The following OTOA variants were observed in gnomAD, a reference collection of about 807,000 sequenced individuals.
OTOA encodes the protein otoancorin, also known as cancer/testis antigen 108.
Under a neutral mutation model 110.8 loss-of-function variants are expected in OTOA, and 70 were observed. The observed-to-expected ratio is 0.63, with a 90% CI of 0.52 to 0.77. The LOEUF (loss-of-function observed/expected upper bound fraction) is 0.77. Ranked by LOEUF, OTOA falls within the 30% of genes least tolerant of loss-of-function variation. The pLI is 0.00. For synonymous variants in OTOA, 373 were observed against 431.5 expected, an observed-to-expected ratio of 0.86 and a Z score of 1.68; for missense variants, 917 against 1,075.8, an observed-to-expected ratio of 0.85 and a Z score of 2.06.
intron 8 of OTOA, among the ~76,000 whole-genome samples, chr16:21,691,000 G>T (rs1480965864): frequency 7.7e-6 from 1 of 129,414 alleles, no homozygotes; most frequent in African/African-American, 3.0e-5. Context: ...GGTGTGTGAT[G>T]TTCCCCTTGC....
At chr16:21,736,048 T>A (rs1364820408) in intron 21 of OTOA, among the ~76,000 whole-genome samples, 1 of 152,182 alleles carries the variant, frequency 6.6e-6, no homozygotes, top group Non-Finnish European at 1.5e-5. Flanking sequence ...CTTATGTTTT[T>A]TAGACTTTAT....
intron 20 of OTOA, chr16:21,729,575 G>A (rs1224599559): frequency 6.6e-6 from 1 of 152,092 alleles, no homozygotes; most frequent in Admixed American, 6.6e-5. Flanking sequence ...CATTCTATGG[G>A]TTCAGACAAG....
intron 1 of OTOA, among the ~76,000 whole-genome samples, chr16:21,678,291 T>C (rs1332930641): frequency 1.3e-5 from 2 of 152,000 alleles, no homozygotes; most frequent in African/African-American, 4.8e-5. Flanking sequence ...TGATAGTGTC[T>C]TAGACAAGAA....
At chr16:21,738,075 T>C (rs1269635831) in intron 22 of OTOA, among the ~76,000 whole-genome samples, 1 of 151,726 alleles carries the variant, frequency 6.6e-6, no homozygotes, top group Non-Finnish European at 1.5e-5. Context: ...AGAAGGAAAA[T>C]AAAGCAAGGG....
chr16:21,737,690 T>TG (rs1899367995), intron 22 of OTOA, among the ~76,000 whole-genome samples: 1 of 149,596 alleles, frequency 6.7e-6, no homozygotes, highest in Non-Finnish European at 1.5e-5. Context: ...GATAATTTTT[T>TG]ATTTTTTTGT....
intron 14 of OTOA, among the ~76,000 whole-genome samples, chr16:21,715,779 A>G (rs1597835773): frequency 6.7e-6 from 1 of 149,830 alleles, no homozygotes; most frequent in Non-Finnish European, 1.5e-5. Flanking sequence ...CGGCCTCCCA[A>G]AGTGCTGGGA....
chr16:21,665,568 C>G (rs1966839286), intron 1 of OTOA, among the ~76,000 whole-genome samples: 1 of 152,094 alleles, frequency 6.6e-6, no homozygotes, highest in African/African-American at 2.4e-5. Context: ...GTACGGTAAC[C>G]CTTCAAGGCT....
chr16:21,695,887 ATATATTTTT>A (rs1897925991), intron 9 of OTOA, among the ~76,000 whole-genome samples: 1 of 61,636 alleles, frequency 1.6e-5, no homozygotes, highest in East Asian at 3.7e-4. Context: ...ATATATATAT[ATATATTTTT>A]TTTTTTTTTT....
At chr16:21,704,815 G>A in intron 11 of OTOA, 1 of 641,700 alleles carries the variant, frequency 1.6e-6, no homozygotes, top group Non-Finnish European at 2.9e-6. Flanking sequence ...TTTATAGGCG[G>A]AGGGTAATGA....
intron 13 of OTOA, among the ~76,000 whole-genome samples, chr16:21,713,225 A>G (rs1202810024): frequency 1.3e-5 from 2 of 152,190 alleles, no homozygotes; most frequent in Non-Finnish European, 2.9e-5. Flanking sequence ...TTGGCCTCCC[A>G]AAGAGAAGGA....
intron 1 of OTOA, among the ~76,000 whole-genome samples, chr16:21,668,456 TTTC>T (rs1424706074): frequency 2.9e-5 from 4 of 137,142 alleles, no homozygotes; most frequent in Non-Finnish European, 6.2e-5. Flanking sequence ...GCTTTGTTTC[TTTC>T]TTTTTTTTTT....
In OTOA at chr16:21,715,035, C is replaced by T; in HGVS notation, c.1371C>T (p.Val457=). 1 of 1,614,220 alleles carries T rather than the reference C, an allele frequency of 6.2e-7. No individual in the cohort carries two copies. Among genetic ancestry groups the T allele is most frequent in the South Asian group, 1.1e-5 (1 of 91,080 alleles). ...AGATGGGCGCACTGCTGGCTGGGGT[C>T]AGCACCCAGGCCTTCTGCAGCATGA... ...VSQMGALLAG[V]STQAFCSMKR... is the part of the protein sequence containing the mutation. Residue 457 remains valine (V), a synonymous_variant, in exon 14 of 29, where the codon GTC becomes GTT. Coordinates refer to ENST00000646100, the MANE Select transcript of OTOA (RefSeq NM_144672.4).
chr16:21,684,784 G>T (rs537213727), intron 6 of OTOA, among the ~76,000 whole-genome samples: 6 of 148,926 alleles, frequency 4.0e-5, no homozygotes, highest in African/African-American at 1.5e-4. Context: ...GTGGAGTCTC[G>T]CTCTGTCACC....
chr16:21,759,588 A>G lies in OTOA; in HGVS notation c.3350-882A>G, dbSNP rs935739310. Among the ~76,000 whole-genome samples, 10 of 152,016 alleles carry G rather than the reference A, an allele frequency of 6.6e-5. 1 individual carries two copies. The highest frequency in any genetic ancestry group is 2.4e-4 in the African/African-American group (10 of 41,372). Reference sequence around the variant, plus strand: ...CTTCAAAGTGAGATTGCTAGATCACAGGGTCTGCATTTATAATTTTGATGG... The same window carrying G: ...CTTCAAAGTGAGATTGCTAGATCACGGGGTCTGCATTTATAATTTTGATGG... On this transcript the variant is annotated intron_variant, in intron 28 of 28. Transcript: ENST00000646100.
chr16:21,717,415 T>A (rs1319377388), intron 15 of OTOA, among the ~76,000 whole-genome samples: 1 of 152,132 alleles, frequency 6.6e-6, no homozygotes, highest in Non-Finnish European at 1.5e-5. Context: ...CACTCCAGTC[T>A]GGGCGACAGA....
intron 11 of OTOA, 54 bp from the exon 12 acceptor site, chr16:21,705,115 A>G: frequency 6.2e-7 from 1 of 1,613,710 alleles, no homozygotes; most frequent in African/African-American, 1.3e-5. Flanking sequence ...TTGAACCAGA[A>G]TGGGCTGGTT....
At chr16:21,696,424 C>A (rs576439466) in intron 9 of OTOA, among the ~76,000 whole-genome samples, 13 of 152,026 alleles carry the variant, frequency 8.6e-5, no homozygotes, top group Non-Finnish European at 1.8e-4. Context: ...AGGGCCAAGG[C>A]CAGCCAAGAT....
intron 27 of OTOA, among the ~76,000 whole-genome samples, chr16:21,754,588 C>T (rs1899929459): frequency 1.5e-5 from 1 of 68,626 alleles, no homozygotes; most frequent in South Asian, 5.8e-4. Flanking sequence ...TCACATGTGC[C>T]TGTAGTCCCA....
chr16:21,736,444 G>A (rs1319699233), intron 22 of OTOA, 54 bp downstream of exon 22: 2 of 1,611,654 alleles, frequency 1.2e-6, no homozygotes, highest in Admixed American at 1.7e-5. Context: ...TAATGTTTTG[G>A]GCAGGGTCCC....
Sources: gnomAD v4.1 joint callset for allele counts (sites outside exome capture counted in the v4.1 genomes callset) on GRCh38, gnomAD v4.1.1 for gene constraint, MANE v1.5 for transcripts, NCBI Gene and HGNC (gene_info 2026-07-23, HGNC 2026-07-21) for gene names.